The following ENPP6 variants were observed in gnomAD, a reference collection of about 807,000 sequenced individuals.
The protein encoded by ENPP6 is glycerophosphocholine cholinephosphodiesterase ENPP6.
A neutral mutation model predicts 42.0 loss-of-function variants in ENPP6; 32 were observed. The observed-to-expected ratio is 0.76, with a 90% confidence interval of 0.58 to 1.02. ENPP6 has a LOEUF of 1.02. Among genes scored for constraint, ENPP6 ranks in the 50% least tolerant of loss-of-function variants. ENPP6 has a pLI of 0.00. For missense variants in ENPP6, 552 were observed against 566.8 expected (o/e 0.97, Z 0.27); for synonymous variants, 213 against 216.0 (o/e 0.99, Z 0.12).
chr4:184,096,545 C>T (rs540607702), intron 7 of ENPP6, among the ~76,000 whole-genome samples: 13 of 152,244 alleles, frequency 8.5e-5, no homozygotes, highest in African/African-American at 2.9e-4. Context: ...GCAGTAAGAT[C>T]TTCAGAGTGT....
chr4:184,123,821 A>C (rs975113888), intron 3 of ENPP6, among the ~76,000 whole-genome samples: 2 of 152,122 alleles, frequency 1.3e-5, no homozygotes, highest in East Asian at 3.8e-4. Flanking sequence ...TTTTTGCCAA[A>C]TACTGATTAG....
At chr4:184,129,622 A>G (rs1307827177) in intron 2 of ENPP6, among the ~76,000 whole-genome samples, 1 of 152,234 alleles carries the variant, frequency 6.6e-6, no homozygotes, top group African/African-American at 2.4e-5. Flanking sequence ...TCTAAAAAAT[A>G]AAGTTGTATA....
At chr4:184,129,103 A>T (rs1290526262) in intron 2 of ENPP6, among the ~76,000 whole-genome samples, 1 of 152,214 alleles carries the variant, frequency 6.6e-6, no homozygotes, top group Non-Finnish European at 1.5e-5. Flanking sequence ...GCAAATCAGG[A>T]ATGCTATCAT....
At chr4:184,130,330 G>A (rs1273948118) in intron 2 of ENPP6, among the ~76,000 whole-genome samples, 1 of 150,940 alleles carries the variant, frequency 6.6e-6, no homozygotes, top group Non-Finnish European at 1.5e-5. Flanking sequence ...AGGCCGAGGT[G>A]GGTGGATCAC....
intron 1 of ENPP6, among the ~76,000 whole-genome samples, chr4:184,178,464 G>A (rs1732489099): frequency 6.6e-6 from 1 of 152,114 alleles, no homozygotes; most frequent in Non-Finnish European, 1.5e-5. Flanking sequence ...TATCATCCAG[G>A]AAAACTTCCC....
At chr4:184,212,473 T>C (rs1258473541) in intron 1 of ENPP6, among the ~76,000 whole-genome samples, 1 of 150,168 alleles carries the variant, frequency 6.7e-6, no homozygotes, top group Non-Finnish European at 1.5e-5. Flanking sequence ...AAATCATGAG[T>C]GAACTCCCAT....
At chr4:184,122,530 T>A (rs183799894) in intron 3 of ENPP6, among the ~76,000 whole-genome samples, 188 of 151,842 alleles carry the variant, frequency 1.2e-3, no homozygotes, top group African/African-American at 4.3e-3. Flanking sequence ...TATTCCCCGC[T>A]GCATGCTGGT....
intron 1 of ENPP6, among the ~76,000 whole-genome samples, chr4:184,162,550 A>AGGAGGGAG (rs775695641): frequency 0.37 from 27,522 of 74,434 alleles, 2,845 homozygotes; most frequent in Non-Finnish European, 0.51. Flanking sequence ...GGAGGGAAGA[A>AGGAGGGAG]GGAAGGAAAG....
At chr4:184,208,601 T>C (rs954135490) in intron 1 of ENPP6, among the ~76,000 whole-genome samples, 3 of 148,778 alleles carry the variant, frequency 2.0e-5, no homozygotes, top group Non-Finnish European at 3.0e-5. Flanking sequence ...GCCCACGGAG[T>C]CTCGCTGATT....
chr4:184,162,510 G>A (rs1261866570), intron 1 of ENPP6, among the ~76,000 whole-genome samples: 3 of 143,260 alleles, frequency 2.1e-5, no homozygotes, highest in African/African-American at 5.7e-5. Context: ...TTTGAAAGAA[G>A]GAAAGAAGGA....
rs541987044 is a variant in ENPP6 at position 184,196,846 on chromosome 4, C to A, written c.241+20733G>T. ...CCAACAGGCGTCTCACAACTGGCTG[C>A]AAGAACCCTGATGGTCCTCTGGTTT... On this transcript the variant is annotated intron_variant, in intron 1 of 7. Coordinates refer to ENST00000296741, the MANE Select transcript of ENPP6 (RefSeq NM_153343.4). Among the ~76,000 whole-genome samples, 6 of 152,294 alleles carry A rather than the reference C, an allele frequency of 3.9e-5. No individual in the cohort carries two copies. The East Asian group carries it at 7.7e-4, about 20-fold the overall frequency.
At chr4:184,201,415 G>C (rs1002979517) in intron 1 of ENPP6, among the ~76,000 whole-genome samples, 2 of 151,992 alleles carry the variant, frequency 1.3e-5, no homozygotes, top group East Asian at 3.9e-4. Context: ...GAGGCGGGGC[G>C]GGGGGGTGTT....
At position 184,089,764 on chromosome 4, in the gene ENPP6, T is replaced by G. The variant is rs1259729028; in HGVS notation, c.*1413A>C. ...CCTTGGCCTCCGAAAGTGTTGGGAT[T>G]ATAGGTGTGAGCCACCATGCCCAGC... On this transcript the variant is annotated 3_prime_UTR_variant, in exon 8 of 8. Transcript: ENST00000296741. 1.3e-5 allele frequency: 2 copies of G among 152,210 alleles called. No homozygotes were observed. Among genetic ancestry groups the G allele is most frequent in the Non-Finnish European group, 2.9e-5 (2 of 68,076 alleles). 9.4% of individuals were successfully genotyped at this position (152,210 alleles called of 1,614,324 possible).
At chr4:184,197,283 C>G (rs1220219397) in intron 1 of ENPP6, among the ~76,000 whole-genome samples, 1 of 152,240 alleles carries the variant, frequency 6.6e-6, no homozygotes, top group African/African-American at 2.4e-5. Flanking sequence ...CACACACTCT[C>G]TCTCTCTCAC....
intron 2 of ENPP6, among the ~76,000 whole-genome samples, chr4:184,144,410 C>T (rs1295644658): frequency 1.3e-5 from 2 of 152,258 alleles, no homozygotes; most frequent in South Asian, 2.1e-4. Context: ...ACCTCGCAGG[C>T]GGGACGGGAC....
chr4:184,211,857 G>A (rs1198636925), intron 1 of ENPP6, among the ~76,000 whole-genome samples: 11 of 151,134 alleles, frequency 7.3e-5, no homozygotes, highest in Admixed American at 4.6e-4. Flanking sequence ...CTGGCAAAAC[G>A]AATCCAGCAG....
chr4:184,132,756 G>T (rs1736659045), intron 2 of ENPP6, among the ~76,000 whole-genome samples: 2 of 150,980 alleles, frequency 1.3e-5, no homozygotes, highest in South Asian at 4.2e-4. Flanking sequence ...ATAGTCAGAA[G>T]ATGTATATAT....
At chr4:184,142,244 G>T (rs574845025) in intron 2 of ENPP6, among the ~76,000 whole-genome samples, 1 of 152,366 alleles carries the variant, frequency 6.6e-6, no homozygotes, top group East Asian at 1.9e-4. Flanking sequence ...AGCTCCTGCT[G>T]CCTGCCAACT....
intron 2 of ENPP6, among the ~76,000 whole-genome samples, chr4:184,150,613 G>GC (rs898851804): frequency 6.6e-6 from 1 of 152,208 alleles, no homozygotes; most frequent in Non-Finnish European, 1.5e-5. Flanking sequence ...TACTGCAGCT[G>GC]CCCCCCAGGA....
Sources: allele counts gnomAD v4.1 joint callset (sites outside exome capture counted in the v4.1 genomes callset), GRCh38; gene constraint gnomAD v4.1.1; transcripts MANE v1.5; gene names NCBI Gene and HGNC (gene_info 2026-07-23, HGNC 2026-07-21).